FABP6: variants seen among roughly 807,000 people sequenced by gnomAD.
FABP6 encodes fatty acid binding protein 6.
FABP6 carries 13 observed loss-of-function variants against 14.9 expected under a neutral mutation model. That is an observed-to-expected ratio of 0.87 (90% CI 0.57 to 1.39). The LOEUF is 1.39. FABP6 is among the 40% of genes most tolerant of loss of function. The pLI, the probability that FABP6 is intolerant of heterozygous loss-of-function variation, is 0.00. For missense variants in FABP6, 161 were observed against 167.2 expected (o/e 0.96, Z 0.20); for synonymous variants, 75 against 63.6 (o/e 1.18, Z -0.85).
intron 3 of FABP6, among the ~76,000 whole-genome samples, chr5:160,218,853 G>A (rs752609010): frequency 1.4e-5 from 2 of 147,870 alleles, no homozygotes; most frequent in Non-Finnish European, 3.0e-5. Context: ...CAAACTCCTG[G>A]ACTCAAGTGA....
rs1260708672 is a variant in FABP6 at position 160,232,274 on chromosome 5, G to A, written c.243+1G>A. On this transcript the variant is annotated splice_donor_variant, in intron 2 of 3. Transcript: ENST00000402432. LOFTEE classifies it high-confidence loss of function. Reference sequence around the variant, plus strand: ...GACAATGGGGGGCAAGACGTTCAAGGTGAGAGGCCACTGGCTGTCCCCCTC... The same window carrying A: ...GACAATGGGGGGCAAGACGTTCAAGATGAGAGGCCACTGGCTGTCCCCCTC... 1.3e-6 allele frequency: 2 copies of A among 1,599,666 alleles called. No individual in the cohort carries two copies. The highest frequency in any genetic ancestry group is 1.7e-5 in the Admixed American group (1 of 58,422).
At chr5:160,218,878 C>A (rs1056666012) in intron 3 of FABP6, among the ~76,000 whole-genome samples, 1 of 151,990 alleles carries the variant, frequency 6.6e-6, no homozygotes, top group Admixed American at 6.6e-5. Context: ...CCCACCTCAG[C>A]CTCCTCAGTA....
chr5:160,234,111 A>G (rs1023257579), intron 2 of FABP6, among the ~76,000 whole-genome samples: 5 of 152,172 alleles, frequency 3.3e-5, no homozygotes, highest in African/African-American at 1.2e-4. Context: ...GCCTTTCTTC[A>G]TGGTCCAGAA....
At chr5:160,234,790 C>T in intron 2 of FABP6, 30 bp from the exon 3 acceptor site, 1 of 1,565,242 alleles carries the variant, frequency 6.4e-7, no homozygotes, top group Non-Finnish European at 8.7e-7. Flanking sequence ...CCTGCAACAA[C>T]CCAGGCTTAA....
intron 1 of FABP6, among the ~76,000 whole-genome samples, chr5:160,192,970 G>A (rs541735765): frequency 6.6e-6 from 1 of 152,320 alleles, no homozygotes; most frequent in East Asian, 1.9e-4. Context: ...AATAAGCCAG[G>A]CATGGTGGTG....
At chr5:160,234,380 C>CTT (rs35775372) in intron 2 of FABP6, among the ~76,000 whole-genome samples, 4 of 84,118 alleles carry the variant, frequency 4.8e-5, no homozygotes, top group African/African-American at 1.8e-4. Context: ...AGAAATCTGA[C>CTT]TTTTTTTTTT....
At chr5:160,199,341 CAGTCTCATTG>C (rs1391286143) in intron 2 of FABP6, among the ~76,000 whole-genome samples, 1 of 152,250 alleles carries the variant, frequency 6.6e-6, no homozygotes, top group Admixed American at 6.5e-5. Flanking sequence ...GTCTTTGTGA[CAGTCTCATTG>C]TTGTTGTTAC....
At chr5:160,224,753 A>G (rs1162198143), upstream of FABP6, among the ~76,000 whole-genome samples, 2 of 151,504 alleles carry the variant, frequency 1.3e-5, no homozygotes, top group Non-Finnish European at 2.9e-5. Context: ...ACATAGTGAG[A>G]CTGTCTCTAC....
intron 3 of FABP6, among the ~76,000 whole-genome samples, chr5:160,235,387 G>C (rs778849014): frequency 6.6e-6 from 1 of 152,164 alleles, no homozygotes; most frequent in Non-Finnish European, 1.5e-5. Flanking sequence ...TTGCACTTCC[G>C]TGTGAAATCT....
chr5:160,222,805 G>A (rs55864014), intron 3 of FABP6, among the ~76,000 whole-genome samples: 59,084 of 151,922 alleles, frequency 0.39, 11,814 homozygotes, highest in Non-Finnish European at 0.42. Flanking sequence ...AGTTAAGCTG[G>A]GTGTAAAGTA....
intron 3 of FABP6, among the ~76,000 whole-genome samples, chr5:160,218,758 G>GA (rs1396613421): frequency 1.3e-4 from 20 of 149,344 alleles, no homozygotes; most frequent in African/African-American, 5.0e-4. Context: ...ACTGCGCCTG[G>GA]CCTTTTTTTT....
At chr5:160,196,086 G>A (rs1422569) in intron 1 of FABP6, 86,529 of 152,404 alleles carry the variant, frequency 0.57, 24,751 homozygotes, top group Non-Finnish European at 0.6. Flanking sequence ...AGCCCATGCC[G>A]AGAGAGCAGG....
intron 1 of FABP6, chr5:160,198,932 C>A: frequency 1.6e-6 from 1 of 641,462 alleles, no homozygotes; most frequent in Non-Finnish European, 2.7e-6. Context: ...ATCTCCAGGG[C>A]CCATGTGTCT....
intron 2 of FABP6, among the ~76,000 whole-genome samples, 178 bp from the exon 3 acceptor site, chr5:160,234,642 G>T (rs1310767537): frequency 1.3e-5 from 2 of 152,026 alleles, no homozygotes; most frequent in African/African-American, 4.8e-5. Context: ...GGCCAGGCTG[G>T]TCTCGAACTC....
At chr5:160,206,219 C>T (rs1759761523) in intron 2 of FABP6, among the ~76,000 whole-genome samples, 1 of 152,152 alleles carries the variant, frequency 6.6e-6, no homozygotes, top group African/African-American at 2.4e-5. Flanking sequence ...ATCATGAGGT[C>T]AGGAGTTTGA....
chr5:160,216,132 G>A (rs1760007633), intron 3 of FABP6, among the ~76,000 whole-genome samples: 1 of 152,188 alleles, frequency 6.6e-6, no homozygotes, highest in South Asian at 2.1e-4. Flanking sequence ...GAGCTGCGAA[G>A]CTGGAAGCTT....
intron 2 of FABP6, among the ~76,000 whole-genome samples, chr5:160,208,268 T>C (rs570117142): frequency 6.6e-6 from 1 of 151,722 alleles, no homozygotes; most frequent in Non-Finnish European, 1.5e-5. Context: ...TATAACTAGA[T>C]CGTTTGTCTA....
At chr5:160,230,876 A>G (rs543987567) in intron 1 of FABP6, among the ~76,000 whole-genome samples, 3 of 152,186 alleles carry the variant, frequency 2.0e-5, no homozygotes, top group Non-Finnish European at 4.4e-5. Flanking sequence ...CATTCAGCAA[A>G]CACAGGCCTC....
chr5:160,226,998 G>A (rs1760260126), upstream of FABP6, among the ~76,000 whole-genome samples: 1 of 152,166 alleles, frequency 6.6e-6, no homozygotes, highest in Non-Finnish European at 1.5e-5. Flanking sequence ...ACAGTGAAAG[G>A]TGTGAACAAG....
Sources: allele counts gnomAD v4.1 joint callset (sites outside exome capture counted in the v4.1 genomes callset), GRCh38; gene constraint gnomAD v4.1.1; transcripts MANE v1.5; gene names NCBI Gene and HGNC (gene_info 2026-07-23, HGNC 2026-07-21).